MEIG1: variants seen among roughly 807,000 people sequenced by gnomAD.
MEIG1 encodes meiosis/spermiogenesis associated 1.
MEIG1 carries 12 observed loss-of-function variants against 11.3 expected under a neutral mutation model. The observed-to-expected ratio is 1.07, with a 90% CI of 0.68 to 1.73. MEIG1 has a LOEUF of 1.73. MEIG1 is among the 40% of genes most tolerant of loss of function. The pLI, the probability that MEIG1 is intolerant of heterozygous loss-of-function variation, is 0.00. For synonymous variants in MEIG1, 41 were observed against 33.2 expected (o/e 1.24, Z -0.81); for missense variants, 119 against 104.9 (o/e 1.13, Z -0.59).
chr10:14,986,677 C>G (rs1345756894), intron 1 of MEIG1: 1 of 278,164 alleles, frequency 3.6e-6, no homozygotes, highest in East Asian at 1.0e-4. Flanking sequence ...AGGCACAATC[C>G]GGGCTCACTG....
chr10:14,966,287 C>T (rs973510392), intron 1 of MEIG1, among the ~76,000 whole-genome samples, 153 bp from the exon 2 acceptor site: 8 of 151,996 alleles, frequency 5.3e-5, no homozygotes, highest in Admixed American at 4.6e-4. Flanking sequence ...TGGTCTCAAA[C>T]TCCTGACCTC....
chr10:14,980,765 A>G (rs1843255246), intron 1 of MEIG1, among the ~76,000 whole-genome samples: 1 of 152,154 alleles, frequency 6.6e-6, no homozygotes, highest in African/African-American at 2.4e-5. Flanking sequence ...GACCGGTCCA[A>G]GTGTACTGAG....
intron 1 of MEIG1, among the ~76,000 whole-genome samples, chr10:14,964,564 AGTGTGT>A (rs151283080): frequency 5.7e-5 from 6 of 104,454 alleles, no homozygotes; most frequent in Non-Finnish European, 8.7e-5. Context: ...TGTATATAAG[AGTGTGT>A]GTGTGTGTGT....
At chr10:14,959,758 G>GAATCTC (rs1461613206) in intron 1 of MEIG1, among the ~76,000 whole-genome samples, 31 of 152,368 alleles carry the variant, frequency 2.0e-4, no homozygotes, top group African/African-American at 7.2e-4. Context: ...GGCCCTTCCA[G>GAATCTC]AATCTCAGGG....
At chr10:14,983,136 G>C (rs1254401593) in intron 1 of MEIG1, among the ~76,000 whole-genome samples, 1 of 151,988 alleles carries the variant, frequency 6.6e-6, no homozygotes, top group Non-Finnish European at 1.5e-5. Context: ...ATGATATTAC[G>C]TTTAATATCG....
At chr10:14,986,982 G>A in exon 2 of MEIG1, 1 of 689,594 alleles carries the variant, frequency 1.5e-6, no homozygotes, top group Admixed American at 2.3e-5. Flanking sequence ...ACAGGCTAAG[G>A]AAAAAGGACA....
chr10:14,976,084 G>T (rs1334517172), downstream of MEIG1, among the ~76,000 whole-genome samples: 1 of 152,118 alleles, frequency 6.6e-6, no homozygotes, highest in Non-Finnish European at 1.5e-5. Context: ...GCATCGCGGG[G>T]GGCGTCCGCC....
At chr10:14,969,014 G>A (rs183173793) in intron 2 of MEIG1, among the ~76,000 whole-genome samples, 3 of 152,236 alleles carry the variant, frequency 2.0e-5, no homozygotes, top group South Asian at 4.1e-4. Flanking sequence ...GGAGGTGGAG[G>A]TTGTAGTGAG....
At chr10:14,962,504 A>G (rs1230793381) in intron 1 of MEIG1, among the ~76,000 whole-genome samples, 1 of 152,192 alleles carries the variant, frequency 6.6e-6, no homozygotes, top group African/African-American at 2.4e-5. Context: ...TGAATACAGC[A>G]TATTTTCTGC....
rs186663269 is a variant in MEIG1, at chr10:14,968,660, C to T, written c.138+2054C>T. 4.4e-3 allele frequency among the ~76,000 whole-genome samples: 671 copies of T among 152,254 alleles called. 12 individuals are homozygous for T. The highest frequency in any genetic ancestry group is 0.031 in the South Asian group (151 of 4,830). On this transcript the variant is annotated intron_variant, in intron 2 of 2. Transcript: ENST00000407572. ...ATCAAGTGAAGATTGATTACTGTGA[C>T]TTCCATGTATCTGTCTTCTCAACCA...
In MEIG1 at chr10:14,972,681, A is replaced by G. The variant is rs1212605768; in HGVS notation, c.*40A>G. On this transcript the variant is annotated 3_prime_UTR_variant, in exon 3 of 3. Coordinates refer to ENST00000407572, the MANE Select transcript of MEIG1 (RefSeq NM_001080836.3). The stretch of plus-strand genomic sequence containing the variant: ...ATTACTTGTCAATTATATTTTAAGT[A>G]TTCATCATTTCCTTCTACATCATGT... The G allele has an allele frequency of 1.4e-5, 21 of 1,512,566 alleles. No homozygotes were observed. Among genetic ancestry groups the G allele is most frequent in the African/African-American group, 1.4e-5 (1 of 71,218 alleles). 93.7% of individuals were successfully genotyped at this position (1,512,566 alleles called of 1,614,324 possible).
intron 1 of MEIG1, among the ~76,000 whole-genome samples, chr10:14,982,945 G>T (rs1046631209): frequency 6.6e-6 from 1 of 151,940 alleles, no homozygotes; most frequent in Admixed American, 6.6e-5. Flanking sequence ...AATAATTAAT[G>T]TTAATGTTAA....
chr10:14,974,645 T>G, downstream of MEIG1, among the ~76,000 whole-genome samples: 1 of 152,230 alleles, frequency 6.6e-6, no homozygotes, highest in Middle Eastern at 3.4e-3. Context: ...TCAATATTAA[T>G]AACTGATCAT....
intron 1 of MEIG1, among the ~76,000 whole-genome samples, chr10:14,960,919 C>T (rs1460099112): frequency 6.6e-6 from 1 of 152,028 alleles, no homozygotes; most frequent in African/African-American, 2.4e-5. Context: ...ATTCCAGCTA[C>T]TCGGGAGGCT....
chr10:14,968,187 C>T (rs1248234961), intron 2 of MEIG1, among the ~76,000 whole-genome samples: 3 of 152,016 alleles, frequency 2.0e-5, no homozygotes, highest in Admixed American at 6.6e-5. Flanking sequence ...CTTAAAAATT[C>T]CTTTAAAAGT....
Position 14,966,440 on chromosome 10 carries a change from A to G in MEIG1, c.-29A>G, listed in dbSNP as rs747115645. 4 of 1,569,454 alleles carry G rather than the reference A, an allele frequency of 2.5e-6. No homozygotes were observed. The highest frequency in any genetic ancestry group is 1.4e-5 in the African/African-American group (1 of 72,064). Reference sequence around the variant, plus strand: ...TTAATGTTGTTTTAACATCTTTCAGATATTATTGATAATAAGGCCTCTGTA... The same window carrying G: ...TTAATGTTGTTTTAACATCTTTCAGGTATTATTGATAATAAGGCCTCTGTA... On this transcript the variant is annotated splice_region_variant and 5_prime_UTR_variant, in exon 2 of 3. Transcript: ENST00000407572.
downstream of MEIG1, among the ~76,000 whole-genome samples, chr10:14,974,838 A>C (rs2131277253): frequency 6.6e-6 from 1 of 152,124 alleles, no homozygotes; most frequent in African/African-American, 2.4e-5. Flanking sequence ...TAATAATCTG[A>C]ACACTTTATG....
chr10:14,982,022 G>T (rs1479078757), intron 1 of MEIG1, among the ~76,000 whole-genome samples: 1 of 152,226 alleles, frequency 6.6e-6, no homozygotes, highest in Admixed American at 6.5e-5. Context: ...TGCAAGCCCA[G>T]CCTGCTTCTG....
At chr10:14,987,633 A>T (rs1843332361) in intron 2 of MEIG1, 2 of 495,930 alleles carry the variant, frequency 4.0e-6, no homozygotes, top group African/African-American at 4.0e-5. Flanking sequence ...TTTTAGCTAT[A>T]CGAGGCTTTC....
Sources: allele counts gnomAD v4.1 joint callset (sites outside exome capture counted in the v4.1 genomes callset), GRCh38; gene constraint gnomAD v4.1.1; transcripts MANE v1.5; gene names NCBI Gene and HGNC (gene_info 2026-07-23, HGNC 2026-07-21).